PVALB: variants seen among roughly 807,000 people sequenced by gnomAD.
PVALB encodes the protein parvalbumin.
Under a neutral mutation model 10.9 loss-of-function variants are expected in PVALB, and 11 were observed. The ratio of observed to expected loss-of-function variants is 1.01; its 90% CI spans 0.63 to 1.67. The LOEUF (loss-of-function observed/expected upper bound fraction) is 1.67, where lower values mean the gene tolerates loss of function less well. Among genes scored for constraint, PVALB ranks in the 40% most tolerant of loss-of-function variants. PVALB has a pLI of 0.00. For missense variants in PVALB, 131 were observed against 136.2 expected, an observed-to-expected ratio of 0.96 and a Z score of 0.19; for synonymous variants, 57 against 50.7, an observed-to-expected ratio of 1.12 and a Z score of -0.53.
chr22:36,810,984 G>A, intron 3 of PVALB, among the ~76,000 whole-genome samples: 1 of 152,182 alleles, frequency 6.6e-6, no homozygotes. Context: ...CAATAAAAAT[G>A]ACATTGCATG....
intron 3 of PVALB, among the ~76,000 whole-genome samples, chr22:36,806,549 G>C (rs564298992): frequency 6.6e-6 from 1 of 152,150 alleles, no homozygotes; most frequent in South Asian, 2.1e-4. Flanking sequence ...TCCCTCTGTC[G>C]TGATGACCGG....
intron 3 of PVALB, 61 bp from the exon 4 acceptor site, chr22:36,800,979 C>G: frequency 6.5e-7 from 1 of 1,530,580 alleles, no homozygotes; most frequent in South Asian, 1.1e-5. Context: ...AGACTGTCCA[C>G]ACCTGACTGC....
At chr22:36,816,846 C>A in intron 1 of PVALB, 99 bp downstream of exon 1, 7 of 1,075,240 alleles carry the variant, frequency 6.5e-6, no homozygotes, top group South Asian at 1.6e-5. Flanking sequence ...TGGGCAGAAG[C>A]GCGCTGGGGA....
At chr22:36,813,812 G>T in intron 2 of PVALB, 57 bp from the exon 3 acceptor site, 1 of 1,301,582 alleles carries the variant, frequency 7.7e-7, no homozygotes, top group South Asian at 1.2e-5. Flanking sequence ...CGCCTTGCAG[G>T]ACGCTGGATG....
intron 3 of PVALB, among the ~76,000 whole-genome samples, chr22:36,808,254 G>C (rs185848104): frequency 6.6e-6 from 1 of 152,334 alleles, no homozygotes; most frequent in East Asian, 1.9e-4. Flanking sequence ...GTTTGAATGA[G>C]TTAAAAGATG....
chr22:36,807,723 G>A lies in PVALB; in HGVS notation c.304+5923C>T, dbSNP rs189415672. The stretch of plus-strand genomic sequence containing the variant: ...GAGGAAAAGATACAGCCATTCCCAC[G>A]GCTGATCCCCAGCATTTGGCTTTCT... On this transcript the variant is annotated intron_variant, in intron 3 of 3. Coordinates refer to ENST00000417718, the MANE Select transcript of PVALB (RefSeq NM_001315532.2). 2.3e-3 allele frequency among the ~76,000 whole-genome samples: 345 copies of A among 152,220 alleles called. 1 individual carries two copies. Among genetic ancestry groups the A allele is most frequent in the Middle Eastern group, 6.8e-3 (2 of 294 alleles).
rs200610184 is a variant in PVALB at position 36,813,647 on chromosome 22, G to A, written c.303C>T (p.Asp101=). ...AGACCCCAGGTCACGGCTACCCACC[G>A]TCAACCCCAATTTTGCCGTCCCCAT... The part of the protein sequence containing the change: ...DKDGDGKIGV[D]EFSTLVAES Residue 101 remains aspartate, a splice_region_variant and synonymous_variant, in exon 3 of 4, where the codon GAC becomes GAT. Transcript: ENST00000417718. 2.8e-5 allele frequency: 45 copies of A among 1,612,238 alleles called. No individual in the cohort carries two copies. In the African/African-American group the frequency reaches 2.8e-4, roughly 10 times the overall value.
intron 2 of PVALB, 151 bp from the exon 3 acceptor site, chr22:36,813,906 A>T (rs1317625211): frequency 3.0e-6 from 2 of 664,554 alleles, no homozygotes; most frequent in Non-Finnish European, 5.4e-6. Context: ...GCTCTGGGCC[A>T]GGTAGCCTGC....
chr22:36,801,190 A>G (rs1215729882), intron 3 of PVALB, among the ~76,000 whole-genome samples: 2 of 152,204 alleles, frequency 1.3e-5, no homozygotes, highest in Non-Finnish European at 2.9e-5. Context: ...ACTAATAACA[A>G]TAGCAATAAT....
At chr22:36,816,341 C>T (rs970484084) in intron 1 of PVALB, 5 of 152,334 alleles carry the variant, frequency 3.3e-5, no homozygotes, top group African/African-American at 1.2e-4. Flanking sequence ...TTCCCCTCCC[C>T]TGCCCGCCTA....
intron 1 of PVALB, 64 bp downstream of exon 1, chr22:36,816,880 CG>C (rs1160252962): frequency 7.2e-6 from 10 of 1,391,116 alleles, no homozygotes. Context: ...GCGGGGCCGG[CG>C]GAGTGCAGGG....
intron 2 of PVALB, 59 bp from the exon 3 acceptor site, chr22:36,813,814 C>T (rs374065137): frequency 2.2e-5 from 28 of 1,298,684 alleles, no homozygotes; most frequent in Middle Eastern, 1.9e-4. Context: ...CCTTGCAGGA[C>T]GCTGGATGGA....
At chr22:36,811,595 T>C (rs1378507267) in intron 3 of PVALB, 1 of 458,658 alleles carries the variant, frequency 2.2e-6, no homozygotes, top group Non-Finnish European at 4.5e-6. Flanking sequence ...GGCAGGGAAC[T>C]GGGCCAGGTT....
chr22:36,816,594 A>G (rs976144456), intron 1 of PVALB, among the ~76,000 whole-genome samples: 3 of 152,240 alleles, frequency 2.0e-5, no homozygotes, highest in Non-Finnish European at 4.4e-5. Context: ...AGTGCCTTAA[A>G]GAGGACGTCC....
At chr22:36,803,876 C>G (rs368447431) in intron 3 of PVALB, among the ~76,000 whole-genome samples, 1 of 152,174 alleles carries the variant, frequency 6.6e-6, no homozygotes, top group Non-Finnish European at 1.5e-5. Context: ...ATGTGGAAAA[C>G]AAGAGGCAGA....
At chr22:36,804,392 A>C (rs60003086) in intron 3 of PVALB, among the ~76,000 whole-genome samples, 5,821 of 152,236 alleles carry the variant, frequency 0.038, 373 homozygotes, top group African/African-American at 0.13. Flanking sequence ...CCCACCCTGC[A>C]ATCTGTTCTC....
At chr22:36,816,678 C>T (rs1056871567) in intron 1 of PVALB, among the ~76,000 whole-genome samples, 2 of 152,244 alleles carry the variant, frequency 1.3e-5, no homozygotes, top group African/African-American at 4.8e-5. Context: ...GACCCTGAGT[C>T]CTCCCAGCCA....
intron 3 of PVALB, among the ~76,000 whole-genome samples, chr22:36,804,229 C>A (rs1473065719): frequency 6.6e-6 from 1 of 152,214 alleles, no homozygotes; most frequent in African/African-American, 2.4e-5. Flanking sequence ...CACCTTCACA[C>A]TAGACGGGAT....
chr22:36,808,877 C>T (rs1310240424), intron 3 of PVALB, among the ~76,000 whole-genome samples: 1 of 152,156 alleles, frequency 6.6e-6, no homozygotes, highest in Non-Finnish European at 1.5e-5. Context: ...CCTTTTCAGC[C>T]TTAAGCCCTC....
Sources: gnomAD v4.1 joint callset for allele counts (sites outside exome capture counted in the v4.1 genomes callset) on GRCh38, gnomAD v4.1.1 for gene constraint, MANE v1.5 for transcripts, NCBI Gene and HGNC (gene_info 2026-07-23, HGNC 2026-07-21) for gene names.